The following AFM variants were observed in gnomAD, a reference collection of about 807,000 sequenced individuals.
AFM encodes alpha-Alb.
A neutral mutation model predicts 68.7 loss-of-function variants in AFM; 82 were observed. That is an observed-to-expected ratio of 1.19 (90% CI 1.00 to 1.43). The LOEUF (loss-of-function observed/expected upper bound fraction) is 1.43. Ranked by LOEUF, AFM falls within the 40% of genes most tolerant of loss-of-function variation. AFM has a pLI of 0.00. For missense variants in AFM, 772 were observed against 701.8 expected, an observed-to-expected ratio of 1.10 and a Z score of -1.13; for synonymous variants, 250 against 234.2, an observed-to-expected ratio of 1.07 and a Z score of -0.61.
rs758417568 is a variant in AFM, at chr4:73,500,099, A to G, written c.1518A>G (p.Arg506=). The change falls in exon 12 of 15, where the codon AGA becomes AGG. Residue 506 remains arginine (R), a synonymous_variant. Transcript: ENST00000226355. ...GCTGTAAAACAAACTTTGCCTTCAG[A>G]AGGCCCTGCTTTGAGAGTTTGAAAG... ...DHCCKTNFAF[R]RPCFESLKAD... is the part of the protein sequence containing the mutation. The G allele has an allele frequency of 6.2e-7, 1 of 1,614,094 alleles. No homozygotes were observed. Among genetic ancestry groups the G allele is most frequent in the Non-Finnish European group, 8.5e-7 (1 of 1,179,990 alleles).
At chr4:73,489,844 A>G (rs1334128548) in intron 7 of AFM, among the ~76,000 whole-genome samples, 1 of 152,202 alleles carries the variant, frequency 6.6e-6, no homozygotes, top group Non-Finnish European at 1.5e-5. Flanking sequence ...TGCTGAAAGG[A>G]GAGCATCAAA....
At position 73,495,282 on chromosome 4, in the gene AFM, A is replaced by G; in HGVS notation, c.1059-18A>G. The G allele has an allele frequency of 6.4e-7, 1 of 1,561,510 alleles. No homozygotes were observed. Among genetic ancestry groups the G allele is most frequent in the South Asian group, 1.2e-5 (1 of 82,018 alleles). On this transcript the variant is annotated intron_variant, in intron 8 of 14. Coordinates refer to ENST00000226355, the MANE Select transcript of AFM (RefSeq NM_001133.2). ...CTCTTTCTCTAATTTCTAATATACA[A>G]AATTTTACACATTGCAGGTTTACTT...
intron 7 of AFM, among the ~76,000 whole-genome samples, chr4:73,490,134 A>T (rs1324426789): frequency 7.0e-6 from 1 of 142,264 alleles, no homozygotes; most frequent in Non-Finnish European, 1.6e-5. Context: ...TCGAGGATAC[A>T]GTACAGTGAG....
intron 14 of AFM, among the ~76,000 whole-genome samples, 153 bp from the exon 15 acceptor site, chr4:73,503,723 A>T (rs1721477818): frequency 6.6e-6 from 1 of 152,158 alleles, no homozygotes; most frequent in Admixed American, 6.6e-5. Flanking sequence ...GTCAGTGAAG[A>T]GAGACCTGGA....
At chr4:73,499,657 T>C (rs1721369350) in intron 11 of AFM, among the ~76,000 whole-genome samples, 1 of 152,126 alleles carries the variant, frequency 6.6e-6, no homozygotes, top group South Asian at 2.1e-4. Context: ...GAGAGTACCT[T>C]GAGGCAGATG....
At position 73,487,025 on chromosome 4, in the gene AFM, G is replaced by A; in HGVS notation, c.541G>A (p.Val181Ile). 7.4e-6 allele frequency: 12 copies of A among 1,613,934 alleles called. No homozygotes were observed. The highest frequency in any genetic ancestry group is 1.0e-5 in the Non-Finnish European group (12 of 1,179,926). ...TGTCTTCGCCCCTACACTTCTAACTGTTGCTGTTCATTTTGAGGAGGTGGC... is the reference window on the plus strand; with the variant it reads ...TGTCTTCGCCCCTACACTTCTAACTATTGCTGTTCATTTTGAGGAGGTGGC... ...PFVFAPTLLT[V>I]AVHFEEVAKS... Residue 181 changes from valine to isoleucine, a missense_variant, in exon 5 of 15, where the codon GTT (valine) becomes ATT (isoleucine). Val to Ile is a conservative substitution (Grantham distance 29). Coordinates refer to ENST00000226355, the MANE Select transcript of AFM (RefSeq NM_001133.2).
At chr4:73,482,913 A>G (rs865820597) in intron 1 of AFM, among the ~76,000 whole-genome samples, 27 of 152,262 alleles carry the variant, frequency 1.8e-4, no homozygotes, top group Middle Eastern at 6.8e-3. Flanking sequence ...ATCCTATATA[A>G]ACATTTTCCA....
At chr4:73,491,788 T>A in intron 7 of AFM, 84 bp from the exon 8 acceptor site, 1 of 1,090,716 alleles carries the variant, frequency 9.2e-7, no homozygotes. Flanking sequence ...GCTGCGATCA[T>A]GACTGGTTTT....
At chr4:73,489,382 A>G (rs533265613) in intron 7 of AFM, among the ~76,000 whole-genome samples, 22 of 152,166 alleles carry the variant, frequency 1.4e-4, no homozygotes, top group African/African-American at 4.8e-4. Context: ...ATATATATGT[A>G]TGTGTATATA....
chr4:73,502,019 C>T (rs1721437291), intron 13 of AFM, 100 bp downstream of exon 13: 2 of 1,311,006 alleles, frequency 1.5e-6, no homozygotes, highest in Non-Finnish European at 2.1e-6. Flanking sequence ...GCAGTGTCTA[C>T]CAGGACTACA....
At chr4:73,481,940 C>G in intron 1 of AFM, 77 bp downstream of exon 1, 1 of 1,047,038 alleles carries the variant, frequency 9.6e-7, no homozygotes, top group East Asian at 2.5e-5. Flanking sequence ...TGTTTTCTTT[C>G]AAGTTAATTC....
intron 8 of AFM, among the ~76,000 whole-genome samples, chr4:73,494,014 A>C (rs1237332106): frequency 2.0e-5 from 3 of 151,838 alleles, no homozygotes; most frequent in African/African-American, 7.3e-5. Context: ...AGCCTAGAGT[A>C]AGCTTCCAGG....
Position 73,501,809 on chromosome 4 carries a change from C to G in AFM, c.1669C>G (p.Leu557Val), listed in dbSNP as rs770926964. ...TDRFLVNLVK[L>V]KHELTDEELQ... ...CAGGTTTCTTGTCAACTTAGTGAAGCTGAAGCATGAACTCACAGATGAAGA... is the reference window on the plus strand; with the variant it reads ...CAGGTTTCTTGTCAACTTAGTGAAGGTGAAGCATGAACTCACAGATGAAGA... The change falls in exon 13 of 15, where the codon CTG becomes GTG. Residue 557 changes from leucine to valine, a missense_variant. By Grantham distance (32) the Leu-to-Val change is conservative. Coordinates refer to ENST00000226355, the MANE Select transcript of AFM (RefSeq NM_001133.2). The G allele has an allele frequency of 1.2e-6, 2 of 1,613,020 alleles. No homozygotes were observed. Among genetic ancestry groups the G allele is most frequent in the African/African-American group, 2.7e-5 (2 of 75,000 alleles).
chr4:73,495,371 A>T lies in AFM; in HGVS notation c.1130A>T (p.Tyr377Phe). ...IPELLRIVQI[Y>F]KDLLRNCCNT... is the part of the protein sequence containing the mutation. ...GAGCTTTTAAGAATTGTTCAAATATACAAAGATCTCCTGAGAAATTGCTGC... is the reference window on the plus strand; with the variant it reads ...GAGCTTTTAAGAATTGTTCAAATATTCAAAGATCTCCTGAGAAATTGCTGC... The change falls in exon 9 of 15, where the codon TAC (tyrosine) becomes TTC (phenylalanine). Residue 377 changes from tyrosine to phenylalanine, a missense_variant. Tyr to Phe is a conservative substitution (Grantham distance 22, BLOSUM62 3). Coordinates refer to ENST00000226355, the MANE Select transcript of AFM (RefSeq NM_001133.2). The T allele has an allele frequency of 6.2e-7, 1 of 1,613,442 alleles. No homozygotes were observed. Among genetic ancestry groups the T allele is most frequent in the Non-Finnish European group, 8.5e-7 (1 of 1,179,752 alleles).
Position 73,501,688 on chromosome 4 carries a change from G to C in AFM, c.1647-99G>C, listed in dbSNP as rs1258860067. ...ATTTCAACTCTTTACCCACACCCAA[G>C]CTGAGACTCAAGACGTGATTCTGTA... On this transcript the variant is annotated intron_variant, in intron 12 of 14. Transcript: ENST00000226355. 3.0e-6 allele frequency: 4 copies of C among 1,353,354 alleles called. No homozygotes were observed. In the East Asian group the frequency reaches 7.5e-5, roughly 25 times the overall value. The allele number at this position is 1,353,354 out of a possible 1,614,324, so 83.8% of individuals were successfully genotyped here.
In AFM at chr4:73,492,049, C is replaced by G. The variant is rs1274074014; in HGVS notation, c.1021C>G (p.Gln341Glu). 4 of 1,612,652 alleles carry G rather than the reference C, an allele frequency of 2.5e-6. No homozygotes were observed. Among genetic ancestry groups the G allele is most frequent in the South Asian group, 1.1e-5 (1 of 90,638 alleles). Reference sequence around the variant, plus strand: ...ATTTACTGACAGTGAAAATGTGTGTCAAGAACGAGATGCTGACCCAGACAC... The same window carrying G: ...ATTTACTGACAGTGAAAATGTGTGTGAAGAACGAGATGCTGACCCAGACAC... ...GKFTDSENVC[Q>E]ERDADPDTFF... Residue 341 changes from glutamine (Q) to glutamate (E), a missense_variant, in exon 8 of 15, where the codon CAA becomes GAA. Gln to Glu is a conservative substitution (Grantham distance 29). Coordinates refer to ENST00000226355, the MANE Select transcript of AFM (RefSeq NM_001133.2).
At chr4:73,498,683 G>A (rs980165226) in intron 10 of AFM, among the ~76,000 whole-genome samples, 17 of 152,160 alleles carry the variant, frequency 1.1e-4, no homozygotes, top group African/African-American at 4.1e-4. Flanking sequence ...GCTGTTAGCT[G>A]ACAATTCAAA....
chr4:73,502,607 T>A (rs762877962), intron 13 of AFM, among the ~76,000 whole-genome samples: 1 of 152,148 alleles, frequency 6.6e-6, no homozygotes, highest in Non-Finnish European at 1.5e-5. Flanking sequence ...CACTGTTTCT[T>A]TTCTAGGAAC....
Position 73,481,795 on chromosome 4 carries a change from C to A in AFM, c.20C>A (p.Thr7Lys). 1 of 1,600,844 alleles carries A rather than the reference C, an allele frequency of 6.2e-7. No homozygotes were observed. The highest frequency in any genetic ancestry group is 1.1e-5 in the South Asian group (1 of 88,916). ...ACAAAGATGAAACTACTAAAACTTA[C>A]AGGTTTTATTTTTTTCTTGTTTTTT... MKLLKL[T>K]GFIFFLFFLT... The change falls in exon 1 of 15, where the codon ACA becomes AAA. Residue 7 changes from threonine (T) to lysine (K), a missense_variant. Physicochemically the swap from Thr to Lys is moderately conservative, Grantham distance 78. Coordinates refer to ENST00000226355, the MANE Select transcript of AFM (RefSeq NM_001133.2).
Sources: allele counts gnomAD v4.1 joint callset (sites outside exome capture counted in the v4.1 genomes callset), GRCh38; gene constraint gnomAD v4.1.1; transcripts MANE v1.5; gene names NCBI Gene and HGNC (gene_info 2026-07-23, HGNC 2026-07-21).